Variants in KDSR observed in about 807,000 individuals in gnomAD.
KDSR encodes the protein 3-ketodihydrosphingosine reductase.
KDSR carries 23 observed loss-of-function variants against 41.3 expected under a neutral mutation model. That is an observed-to-expected ratio of 0.56 (90% CI 0.40 to 0.79). The LOEUF is 0.79. Among genes scored for constraint, KDSR ranks in the 30% least tolerant of loss-of-function variants. The pLI, the probability that KDSR is intolerant of heterozygous loss-of-function variation, is 0.00. For synonymous variants in KDSR, 138 were observed against 151.7 expected (o/e 0.91, Z 0.66); for missense variants, 351 against 416.8 (o/e 0.84, Z 1.37).
Position 63,330,315 on chromosome 18 carries a change from C to T in KDSR, c.*1467G>A, listed in dbSNP as rs991379175. The stretch of plus-strand genomic sequence containing the variant: ...CACCGAAGTGATCTGGAATGTGCTA[C>T]CGTATATGCAAGGAAGACAGGTTAC... On this transcript the variant is annotated 3_prime_UTR_variant, in exon 10 of 10. Transcript: ENST00000645214. 4.5e-6 allele frequency: 1 copy of T among 220,860 alleles called. No homozygotes were observed. The highest frequency in any genetic ancestry group is 9.1e-6 in the Non-Finnish European group (1 of 110,466). 13.7% of individuals were successfully genotyped at this position (220,860 alleles called of 1,614,324 possible). A position where few individuals can be genotyped will look rare whatever the true frequency, so the allele number is the denominator to read the frequency against.
At chr18:63,363,207 CT>C (rs1006397920) in intron 1 of KDSR, among the ~76,000 whole-genome samples, 2,206 of 121,730 alleles carry the variant, frequency 0.018, 29 homozygotes, top group African/African-American at 0.046. Flanking sequence ...ATCTTATTTT[CT>C]TTTTTTTTTT....
intron 1 of KDSR, 108 bp downstream of exon 1, chr18:63,366,903 C>T (rs1384225015): frequency 1.3e-5 from 7 of 527,260 alleles, no homozygotes; most frequent in African/African-American, 9.8e-5. Context: ...TTGGCCATGC[C>T]TTCCTGGGGA....
chr18:63,362,796 G>A lies in KDSR; in HGVS notation c.181C>T (p.Leu61=). Reference sequence around the variant, plus strand: ...AGCCTTACCTCATTTCGTGCAACCAGAGTTATAAAAGCTCCTTGTTTATAG... The same window carrying A: ...AGCCTTACCTCATTTCGTGCAACCAAAGTTATAAAAGCTCCTTGTTTATAG... ...ECYKQGAFIT[L]VARNEDKLLQ... The change falls in exon 2 of 10, where the codon CTG becomes TTG. Residue 61 remains leucine (L), a synonymous_variant. Coordinates refer to ENST00000645214, the MANE Select transcript of KDSR (RefSeq NM_002035.4). 1 of 1,612,498 alleles carries A rather than the reference G, an allele frequency of 6.2e-7. No homozygotes were observed. The highest frequency in any genetic ancestry group is 1.1e-5 in the South Asian group (1 of 90,942).
At chr18:63,333,919 C>A (rs1914084861) in intron 9 of KDSR, among the ~76,000 whole-genome samples, 1 of 152,162 alleles carries the variant, frequency 6.6e-6, no homozygotes, top group Admixed American at 6.5e-5. Flanking sequence ...TGATCTCTGA[C>A]GTGAGGGACA....
At position 63,331,879 on chromosome 18, in the gene KDSR, C is replaced by T. The variant is rs141264328; in HGVS notation, c.902G>A (p.Arg301His). 27 of 1,613,656 alleles carry T rather than the reference C, an allele frequency of 1.7e-5. No homozygotes were observed. Among genetic ancestry groups the T allele is most frequent in the East Asian group, 4.5e-5 (2 of 44,882 alleles). The change falls in exon 10 of 10, where the codon CGC (arginine) becomes CAC (histidine). Residue 301 changes from arginine to histidine, a missense_variant. Physicochemically the swap from Arg to His is conservative, Grantham distance 29 (BLOSUM62 0). Coordinates refer to ENST00000645214, the MANE Select transcript of KDSR (RefSeq NM_002035.4). The part of the protein sequence containing the change: ...LQQVVTMGLF[R>H]TIALFYLGSF... ...TCCAAGGTAAAACAAAGCAATAGTGCGGAAAAGGCCCATGGTGACCACCTG... is the reference window on the plus strand; with the variant it reads ...TCCAAGGTAAAACAAAGCAATAGTGTGGAAAAGGCCCATGGTGACCACCTG...
At chr18:63,346,631 A>T (rs1448601813) in intron 6 of KDSR, 1 of 152,230 alleles carries the variant, frequency 6.6e-6, no homozygotes, top group Non-Finnish European at 1.5e-5. Context: ...GAACACAGAT[A>T]GCTGGGGTTG....
chr18:63,341,270 G>A (rs1226738669), intron 7 of KDSR, among the ~76,000 whole-genome samples: 3 of 152,076 alleles, frequency 2.0e-5, no homozygotes, highest in Non-Finnish European at 2.9e-5. Flanking sequence ...TAAACATCCA[G>A]AGTGAATATC....
In KDSR at chr18:63,362,845, G is replaced by A. The variant is rs766022409; in HGVS notation, c.132C>T (p.Ile44=). ...HVVVTGGSSG[I]GKCIAIECYK... ...AGCACTCGATAGCAATGCACTTCCC[G>A]ATGCCACTGGAACCTCCTGTAACCT... The change falls in exon 2 of 10, where the codon ATC becomes ATT. Residue 44 remains isoleucine, a synonymous_variant. Transcript: ENST00000645214. 11 of 1,612,938 alleles carry A rather than the reference G, an allele frequency of 6.8e-6. No individual in the cohort carries two copies. Among genetic ancestry groups the A allele is most frequent in the South Asian group, 4.4e-5 (4 of 91,008 alleles).
At chr18:63,349,860 C>T (rs1914613945) in intron 6 of KDSR, among the ~76,000 whole-genome samples, 1 of 152,236 alleles carries the variant, frequency 6.6e-6, no homozygotes, top group Non-Finnish European at 1.5e-5. Context: ...AGGCTGCTTT[C>T]CTGCTATCAT....
In KDSR at chr18:63,359,801, A is replaced by C; in HGVS notation, c.199-9T>G. The C allele has an allele frequency of 6.3e-7, 1 of 1,594,036 alleles. No homozygotes were observed. Among genetic ancestry groups the C allele is most frequent in the South Asian group, 1.1e-5 (1 of 90,630 alleles). On this transcript the variant is annotated splice_polypyrimidine_tract_variant and intron_variant, in intron 2 of 9. Transcript: ENST00000645214. The stretch of plus-strand genomic sequence containing the variant: ...GCCTGCAGCAGCTTATCCTGAAAGC[A>C]ATACAGAATAATTAGTCGTGATGAC...
At position 63,344,486 on chromosome 18, in the gene KDSR, G is replaced by A; in HGVS notation, c.617C>T (p.Pro206Leu). ...LAEALQMEVK[P>L]YNVYITVAYP... ...AGCAACTGTGATGTAGACATTATAT[G>A]GCTTCACCTGCATTTCAAAACAACA... The change falls in exon 7 of 10, where the codon CCA (proline) becomes CTA (leucine). Residue 206 changes from proline (P) to leucine (L), a missense_variant. Physicochemically the swap from Pro to Leu is moderately conservative, Grantham distance 98. Coordinates refer to ENST00000645214, the MANE Select transcript of KDSR (RefSeq NM_002035.4). The A allele has an allele frequency of 1.2e-6, 2 of 1,612,668 alleles. No individual in the cohort carries two copies. The highest frequency in any genetic ancestry group is 1.7e-6 in the Non-Finnish European group (2 of 1,178,726).
At chr18:63,365,639 A>G (rs1915114434) in intron 1 of KDSR, among the ~76,000 whole-genome samples, 1 of 152,202 alleles carries the variant, frequency 6.6e-6, no homozygotes, top group Non-Finnish European at 1.5e-5. Flanking sequence ...CTGTCTTACA[A>G]ATAAGGAATT....
intron 8 of KDSR, among the ~76,000 whole-genome samples, chr18:63,338,357 A>T (rs1164480503): frequency 6.6e-6 from 1 of 152,262 alleles, no homozygotes; most frequent in Non-Finnish European, 1.5e-5. Flanking sequence ...ATTCTGAATT[A>T]AAAAACATAT....
At position 63,328,904 on chromosome 18, in the gene KDSR, C is replaced by T. The variant is rs1913891346; in HGVS notation, c.*2878G>A. 5.3e-6 allele frequency: 1 copy of T among 190,450 alleles called. No individual in the cohort carries two copies. Among genetic ancestry groups the T allele is most frequent in the Non-Finnish European group, 1.1e-5 (1 of 90,940 alleles). The allele number at this position is 190,450 out of a possible 1,614,324, so 11.8% of individuals were successfully genotyped here. ...AATTCACAAAATGAGCTGTTCTTGG[C>T]TACATACAGAAGGCCAACATTTAAA... On this transcript the variant is annotated 3_prime_UTR_variant, in exon 10 of 10. Coordinates refer to ENST00000645214, the MANE Select transcript of KDSR (RefSeq NM_002035.4).
At chr18:63,357,595 T>TA (rs1282766603) in intron 3 of KDSR, among the ~76,000 whole-genome samples, 10 of 99,914 alleles carry the variant, frequency 1.0e-4, no homozygotes, top group Non-Finnish European at 1.4e-4. Context: ...TATATATATA[T>TA]TTTTTTTTGA....
intron 9 of KDSR, among the ~76,000 whole-genome samples, chr18:63,332,437 C>T (rs371233016): frequency 3.3e-5 from 5 of 152,102 alleles, no homozygotes; most frequent in African/African-American, 7.2e-5. Flanking sequence ...GTGGCATGAA[C>T]GCGGCTCACT....
chr18:63,330,822 T>C lies in KDSR; in HGVS notation c.*960A>G, dbSNP rs910528436. Reference sequence around the variant, plus strand: ...GTCTTTTTTTTCCTTTTTTTTTTTTTTTACAAAAATATTACAGCAGTATAA... The same window carrying C: ...GTCTTTTTTTTCCTTTTTTTTTTTTCTTACAAAAATATTACAGCAGTATAA... On this transcript the variant is annotated 3_prime_UTR_variant, in exon 10 of 10. Transcript: ENST00000645214. 2.2e-5 allele frequency: 5 copies of C among 227,888 alleles called. No homozygotes were observed. Among genetic ancestry groups the C allele is most frequent in the Non-Finnish European group, 3.5e-5 (4 of 115,062 alleles). The allele number at this position is 227,888 out of a possible 1,614,324, so 14.1% of individuals were successfully genotyped here. A position where few individuals can be genotyped will look rare whatever the true frequency, so the allele number is the denominator to read the frequency against.
chr18:63,357,803 C>T (rs1414085990), intron 3 of KDSR, among the ~76,000 whole-genome samples: 3 of 151,922 alleles, frequency 2.0e-5, no homozygotes, highest in Admixed American at 2.0e-4. Context: ...TCTCAAACAC[C>T]TACCTTCAAC....
chr18:63,354,904 G>A (rs1261238977), intron 5 of KDSR, among the ~76,000 whole-genome samples: 1 of 152,176 alleles, frequency 6.6e-6, no homozygotes, highest in Non-Finnish European at 1.5e-5. Flanking sequence ...GTTACAAAGT[G>A]TTCTCTTGAA....
Sources: gnomAD v4.1 joint callset for allele counts (sites outside exome capture counted in the v4.1 genomes callset) on GRCh38, gnomAD v4.1.1 for gene constraint, MANE v1.5 for transcripts, NCBI Gene and HGNC (gene_info 2026-07-23, HGNC 2026-07-21) for gene names.